Variants in CPS1 observed in about 807,000 individuals in gnomAD.
The protein encoded by CPS1 is carbamoyl-phosphate synthase [ammonia], mitochondrial.
A neutral mutation model predicts 174.6 loss-of-function variants in CPS1; 109 were observed. The ratio of observed to expected loss-of-function variants is 0.62; its 90% CI spans 0.53 to 0.73. The LOEUF (loss-of-function observed/expected upper bound fraction) is 0.73. Among genes scored for constraint, CPS1 ranks in the 30% least tolerant of loss-of-function variants. The probability of loss-of-function intolerance (pLI) is 0.00; values close to 1 mark genes in which losing one functional copy is unlikely to be tolerated. For synonymous variants in CPS1, 637 were observed against 632.0 expected (o/e 1.01, Z -0.12); for missense variants, 1,689 against 1,821.9 (o/e 0.93, Z 1.33).
chr2:210,598,128 T>A (rs1698559653), intron 13 of CPS1, among the ~76,000 whole-genome samples: 1 of 151,676 alleles, frequency 6.6e-6, no homozygotes, highest in Non-Finnish European at 1.5e-5. Context: ...GGGGTTAACA[T>A]GTGAAGGATA....
chr2:210,657,735 GTC>G (rs1700764898), intron 30 of CPS1: 5 of 152,252 alleles, frequency 3.3e-5, no homozygotes, highest in Admixed American at 2.6e-4. Flanking sequence ...AGGCAGACCT[GTC>G]TCTCTGGTTG....
chr2:210,642,312 A>G (rs1410381433), intron 24 of CPS1, among the ~76,000 whole-genome samples, 172 bp from the exon 25 acceptor site: 1 of 152,216 alleles, frequency 6.6e-6, no homozygotes, highest in Non-Finnish European at 1.5e-5. Flanking sequence ...TTTTCCTACT[A>G]CTAATACAGT....
At position 210,546,981 on chromosome 2, in the gene CPS1, C is replaced by T. The variant is rs76632955; in HGVS notation, c.4-9738C>T. 7.2e-3 allele frequency among the ~76,000 whole-genome samples: 1,090 copies of T among 152,222 alleles called. 8 individuals are homozygous for T. The highest frequency in any genetic ancestry group is 0.025 in the African/African-American group (1,033 of 41,556). On this transcript the variant is annotated intron_variant, in intron 1 of 38. Transcript: ENST00000430249. The stretch of plus-strand genomic sequence containing the variant: ...TTTGGACTCCAGCCAGCTGCCATCA[C>T]TGAGGTGGTGAAAGAACACCGTAGT...
intron 17 of CPS1, among the ~76,000 whole-genome samples, chr2:210,605,516 A>G (rs1698877454): frequency 6.6e-6 from 1 of 151,946 alleles, no homozygotes; most frequent in Non-Finnish European, 1.5e-5. Flanking sequence ...AATAAGATCC[A>G]TAAAACTTAG....
At chr2:210,582,409 A>G (rs1481621116) in intron 5 of CPS1, among the ~76,000 whole-genome samples, 1 of 152,106 alleles carries the variant, frequency 6.6e-6, no homozygotes, top group Non-Finnish European at 1.5e-5. Flanking sequence ...TAGAAGAACT[A>G]ATTGTATTTC....
At chr2:210,675,286 C>T (rs997940607) in intron 35 of CPS1, among the ~76,000 whole-genome samples, 1 of 152,138 alleles carries the variant, frequency 6.6e-6, no homozygotes, top group African/African-American at 2.4e-5. Context: ...CTAGCTGTGA[C>T]AGTTACAGGC....
intron 24 of CPS1, 32 bp downstream of exon 24, chr2:210,640,091 T>C (rs1302973467): frequency 7.9e-7 from 1 of 1,270,842 alleles, no homozygotes; most frequent in South Asian, 1.2e-5. Flanking sequence ...ATATAGGACT[T>C]TACACAATTT....
Position 210,660,639 on chromosome 2 carries a change from A to G in CPS1, c.3911A>G (p.Asp1304Gly). The G allele has an allele frequency of 6.2e-7, 1 of 1,614,110 alleles. No individual in the cohort carries two copies. The highest frequency in any genetic ancestry group is 8.5e-7 in the Non-Finnish European group (1 of 1,179,968). Residue 1304 changes from aspartate (D) to glycine (G), a missense_variant, in exon 32 of 38, where the codon GAC becomes GGC. By Grantham distance (94) the Asp-to-Gly change is moderately conservative. Coordinates refer to ENST00000233072, the MANE Select transcript of CPS1 (RefSeq NM_001875.5). The part of the protein sequence containing the change: ...PTLDHPIIPA[D>G]YVAIKAPMFS... Reference sequence around the variant, plus strand: ...TTGGACCATCCCATAATTCCTGCTGACTATGTTGCAATTAAGGTAACATTT... The same window carrying G: ...TTGGACCATCCCATAATTCCTGCTGGCTATGTTGCAATTAAGGTAACATTT...
rs1698858202 is a variant in CPS1 at position 210,605,101 on chromosome 2, G to T, written c.1837-1G>T. On this transcript the variant is annotated splice_acceptor_variant, in intron 16 of 37. Transcript: ENST00000233072. LOFTEE classifies it high-confidence loss of function. The stretch of plus-strand genomic sequence containing the variant: ...TGATATCTTTTGTCACCAATTTCTA[G>T]GCCTTTGCTATGACCAACCAAATTC... The T allele has an allele frequency of 1.9e-6, 3 of 1,611,540 alleles. No individual in the cohort carries two copies. The highest frequency in any genetic ancestry group is 2.7e-5 in the African/African-American group (2 of 74,716).
chr2:210,642,395 T>C, intron 24 of CPS1, 89 bp from the exon 25 acceptor site: 1 of 1,473,516 alleles, frequency 6.8e-7, no homozygotes, highest in South Asian at 1.1e-5. Flanking sequence ...TTCCTTAGCC[T>C]GGACTGACTG....
At chr2:210,513,850 A>C (rs1329047557) in intron 1 of CPS1, among the ~76,000 whole-genome samples, 1 of 151,994 alleles carries the variant, frequency 6.6e-6, no homozygotes, top group Admixed American at 6.6e-5. Context: ...ATCCATCTTC[A>C]GTGGCTTTTT....
intron 13 of CPS1, among the ~76,000 whole-genome samples, chr2:210,597,788 C>A (rs189428077): frequency 2.0e-5 from 3 of 149,686 alleles, no homozygotes; most frequent in Admixed American, 6.6e-5. Flanking sequence ...AGGTCTCTCC[C>A]GATGTAAGGA....
chr2:210,652,624 A>G lies in CPS1; in HGVS notation c.3481-1401A>G, dbSNP rs371581487. 2.0e-5 allele frequency among the ~76,000 whole-genome samples: 3 copies of G among 152,182 alleles called. No homozygotes were observed. The East Asian group carries it at 5.8e-4, about 29-fold the overall frequency. On this transcript the variant is annotated intron_variant, in intron 28 of 37. Coordinates refer to ENST00000233072, the MANE Select transcript of CPS1 (RefSeq NM_001875.5). ...GATAGGGAACACTGAGGAAGGAGAA[A>G]AGTATAGAGGGAGGAATTATATATT...
intron 29 of CPS1, among the ~76,000 whole-genome samples, chr2:210,655,414 TC>T (rs1559129977): frequency 1.3e-5 from 2 of 152,306 alleles, no homozygotes; most frequent in Admixed American, 6.5e-5. Flanking sequence ...CTGTACTCCC[TC>T]TTTTGGAAAT....
chr2:210,601,705 A>G (rs966772772), intron 15 of CPS1, among the ~76,000 whole-genome samples: 2 of 151,974 alleles, frequency 1.3e-5, no homozygotes, highest in African/African-American at 4.8e-5. Context: ...TAAAAAAAAG[A>G]ATTCCAAGCT....
chr2:210,627,250 G>T (rs538805704), intron 21 of CPS1, among the ~76,000 whole-genome samples: 2 of 152,006 alleles, frequency 1.3e-5, no homozygotes, highest in East Asian at 3.9e-4. Flanking sequence ...AATGTAAACA[G>T]GATTTTCAAG....
chr2:210,672,562 TGAG>T (rs1367961521), intron 34 of CPS1: 1 of 152,216 alleles, frequency 6.6e-6, no homozygotes, highest in African/African-American at 2.4e-5. Flanking sequence ...TTGCCTTTTC[TGAG>T]GAGAATGAAA....
chr2:210,602,102 C>A, intron 15 of CPS1, 100 bp from the exon 16 acceptor site: 1 of 1,375,556 alleles, frequency 7.3e-7, no homozygotes, highest in Non-Finnish European at 1.0e-6. Context: ...TCACTCTCCC[C>A]ACATAAGTTG....
intron 6 of CPS1, among the ~76,000 whole-genome samples, chr2:210,586,520 G>A (rs958449502): frequency 1.8e-4 from 27 of 151,978 alleles, no homozygotes; most frequent in Non-Finnish European, 7.4e-5. Flanking sequence ...GTGGTGTGGA[G>A]CAATTCATCT....
Sources: gnomAD v4.1 joint callset for allele counts (sites outside exome capture counted in the v4.1 genomes callset) on GRCh38, gnomAD v4.1.1 for gene constraint, MANE v1.5 for transcripts, NCBI Gene and HGNC (gene_info 2026-07-23, HGNC 2026-07-21) for gene names.